The following OPCML variants were observed in gnomAD, a reference collection of about 807,000 sequenced individuals.
The protein encoded by OPCML is opioid binding protein/cell adhesion molecule like, also known as opioid-binding protein/cell adhesion molecule.
In OPCML, 13 loss-of-function variants were observed where a neutral mutation model predicts 37.8. The ratio of observed to expected loss-of-function variants is 0.34; its 90% CI spans 0.22 to 0.55. OPCML has a LOEUF of 0.55. Ranked by LOEUF, OPCML falls within the 20% of genes least tolerant of loss-of-function variation. The pLI is 0.91. For missense variants in OPCML, 341 were observed against 435.6 expected (o/e 0.78, Z 1.93); for synonymous variants, 176 against 168.8 (o/e 1.04, Z -0.33).
At chr11:132,618,647 T>A (rs922691487) in intron 3 of OPCML, among the ~76,000 whole-genome samples, 2 of 152,178 alleles carry the variant, frequency 1.3e-5, no homozygotes, top group Non-Finnish European at 2.9e-5. Flanking sequence ...TCCACATAGA[T>A]CTTGTAATTG....
intron 3 of OPCML, among the ~76,000 whole-genome samples, chr11:132,572,236 T>C (rs1037403089): frequency 2.0e-5 from 3 of 152,274 alleles, no homozygotes; most frequent in African/African-American, 2.4e-5. Flanking sequence ...GTTTATGTGA[T>C]TGATAGATTC....
chr11:132,449,361 A>G (rs985894366), intron 4 of OPCML, among the ~76,000 whole-genome samples: 1 of 152,056 alleles, frequency 6.6e-6, no homozygotes, highest in Non-Finnish European at 1.5e-5. Flanking sequence ...CCTCTCCTTG[A>G]TGGGTAGACT....
At chr11:132,809,906 G>A (rs1410399950) in intron 2 of OPCML, among the ~76,000 whole-genome samples, 1 of 152,110 alleles carries the variant, frequency 6.6e-6, no homozygotes, top group Non-Finnish European at 1.5e-5. Context: ...CTGGAGTGCA[G>A]TGGCGCGATC....
intron 1 of OPCML, among the ~76,000 whole-genome samples, chr11:132,981,011 T>C (rs758720979): frequency 1.3e-5 from 2 of 152,256 alleles, no homozygotes; most frequent in Non-Finnish European, 2.9e-5. Context: ...TACTGAATAC[T>C]GCAGGCAGGT....
chr11:133,389,370 T>C (rs1945121081), intron 1 of OPCML, among the ~76,000 whole-genome samples: 2 of 152,210 alleles, frequency 1.3e-5, no homozygotes, highest in South Asian at 2.1e-4. Context: ...GTCCTACCTG[T>C]AGGGCCTTAG....
Position 132,755,645 on chromosome 11 carries a change from A to G in OPCML, c.147-98326T>C, listed in dbSNP as rs540475199. Reference sequence around the variant, plus strand: ...GATTCATTTCTGTAATAAGAATCATATATAGTCAAAGTCTGCTCATATTTT... The same window carrying G: ...GATTCATTTCTGTAATAAGAATCATGTATAGTCAAAGTCTGCTCATATTTT... On this transcript the variant is annotated intron_variant, in intron 2 of 7. Coordinates refer to ENST00000524381, the MANE Select transcript of OPCML (RefSeq NM_001012393.5). Among the ~76,000 whole-genome samples, 5 of 152,348 alleles carry G rather than the reference A, an allele frequency of 3.3e-5. No individual in the cohort carries two copies. In the South Asian group the frequency reaches 1.0e-3, roughly 32 times the overall value.
At chr11:132,832,372 T>C (rs1398328160) in intron 2 of OPCML, among the ~76,000 whole-genome samples, 1 of 152,200 alleles carries the variant, frequency 6.6e-6, no homozygotes, top group East Asian at 1.9e-4. Context: ...GAAAGAGACC[T>C]AGACTATGTT....
intron 3 of OPCML, among the ~76,000 whole-genome samples, chr11:132,643,068 G>A (rs191214490): frequency 1.3e-5 from 2 of 152,222 alleles, no homozygotes; most frequent in South Asian, 2.1e-4. Context: ...CTCCTGCTGT[G>A]CCCCACGTGG....
At chr11:133,126,693 C>A (rs1406150740) in intron 1 of OPCML, among the ~76,000 whole-genome samples, 1 of 152,124 alleles carries the variant, frequency 6.6e-6, no homozygotes, top group East Asian at 1.9e-4. Flanking sequence ...GTGTATCTTT[C>A]AAGTCCATAT....
intron 2 of OPCML, among the ~76,000 whole-genome samples, chr11:132,939,949 A>C (rs752739568): frequency 1.3e-5 from 2 of 152,208 alleles, no homozygotes; most frequent in Non-Finnish European, 2.9e-5. Context: ...GAGCACCTTC[A>C]TTTTCCATAT....
At chr11:133,053,585 T>A (rs1397148826) in intron 1 of OPCML, among the ~76,000 whole-genome samples, 1 of 152,198 alleles carries the variant, frequency 6.6e-6, no homozygotes, top group Non-Finnish European at 1.5e-5. Context: ...TGAAATTTCC[T>A]CTTATTCTAT....
At chr11:132,624,772 T>C (rs906214820) in intron 3 of OPCML, among the ~76,000 whole-genome samples, 2 of 152,196 alleles carry the variant, frequency 1.3e-5, no homozygotes, top group African/African-American at 4.8e-5. Context: ...TACCTCATGC[T>C]TTACGTGTCC....
At chr11:132,795,099 TACAC>T (rs1200741859) in intron 2 of OPCML, among the ~76,000 whole-genome samples, 1 of 151,008 alleles carries the variant, frequency 6.6e-6, no homozygotes. Flanking sequence ...CATATACGTA[TACAC>T]ACACACACAC....
At chr11:133,026,565 G>T (rs1735895322) in intron 1 of OPCML, 2 of 985,088 alleles carry the variant, frequency 2.0e-6, no homozygotes, top group South Asian at 9.4e-5. Flanking sequence ...ACCTAAATCT[G>T]GTCTAGGTGA....
intron 1 of OPCML, among the ~76,000 whole-genome samples, chr11:133,458,171 C>T (rs1565644505): frequency 6.9e-6 from 1 of 145,052 alleles, no homozygotes. Context: ...TATACATATA[C>T]ATATATGTGT....
At chr11:133,401,733 G>A (rs1945409795) in intron 1 of OPCML, among the ~76,000 whole-genome samples, 1 of 152,112 alleles carries the variant, frequency 6.6e-6, no homozygotes, top group Non-Finnish European at 1.5e-5. Context: ...GTTTCTCTGA[G>A]GCTGACTCTC....
chr11:133,222,622 T>C (rs1476757799), intron 1 of OPCML, among the ~76,000 whole-genome samples: 1 of 152,232 alleles, frequency 6.6e-6, no homozygotes, highest in Non-Finnish European at 1.5e-5. Context: ...GAAGTGGCCA[T>C]GGGCTTGAAC....
chr11:133,470,797 G>A (rs1288140412), intron 1 of OPCML, among the ~76,000 whole-genome samples: 1 of 152,228 alleles, frequency 6.6e-6, no homozygotes, highest in Non-Finnish European at 1.5e-5. Flanking sequence ...GCTGTCCTTT[G>A]TGCCTTGCTC....
At chr11:133,414,170 C>T (rs956568096) in intron 1 of OPCML, among the ~76,000 whole-genome samples, 4 of 152,072 alleles carry the variant, frequency 2.6e-5, no homozygotes, top group Non-Finnish European at 4.4e-5. Flanking sequence ...GGAACGAGCA[C>T]GTCAGAATGT....
Sources: gnomAD v4.1 joint callset for allele counts (sites outside exome capture counted in the v4.1 genomes callset) on GRCh38, gnomAD v4.1.1 for gene constraint, MANE v1.5 for transcripts, NCBI Gene and HGNC (gene_info 2026-07-23, HGNC 2026-07-21) for gene names.